The following LRP1B variants were observed in gnomAD, a reference collection of about 807,000 sequenced individuals.
LRP1B encodes LDL receptor related protein 1B, also known as low-density lipoprotein receptor-related protein 1B.
A neutral mutation model predicts 556.6 loss-of-function variants in LRP1B; 217 were observed. That is an observed-to-expected ratio of 0.39 (90% CI 0.35 to 0.44). The LOEUF (loss-of-function observed/expected upper bound fraction) is 0.44, where lower values mean the gene tolerates loss of function less well. Among genes scored for constraint, LRP1B ranks in the 20% least tolerant of loss-of-function variants. LRP1B has a pLI of 1.00. For missense variants in LRP1B, 5,053 were observed against 5,620.8 expected, an observed-to-expected ratio of 0.90 and a Z score of 3.23; for synonymous variants, 2,047 against 1,865.8, an observed-to-expected ratio of 1.10 and a Z score of -2.50.
At chr2:141,423,793 C>CTGT (rs984075997) in intron 3 of LRP1B, among the ~76,000 whole-genome samples, 1 of 149,194 alleles carries the variant, frequency 6.7e-6, no homozygotes, top group African/African-American at 2.5e-5. Context: ...TAATATACTA[C>CTGT]TGTTTTCATT....
rs372054994 is a variant in LRP1B, at chr2:141,584,427, G to A, written c.206-103894C>T. On this transcript the variant is annotated intron_variant, in intron 2 of 90. Coordinates refer to ENST00000389484, the MANE Select transcript of LRP1B (RefSeq NM_018557.3). ...CCAATTGTGGCAAAGGACCAACGAT[G>A]TTAAGAATCGACCATACTAATTTAT... 7.2e-4 allele frequency among the ~76,000 whole-genome samples: 109 copies of A among 152,202 alleles called. 1 individual carries two copies. In the East Asian group the frequency reaches 0.018, roughly 26 times the overall value.
chr2:141,456,837 T>C (rs990838308), intron 3 of LRP1B, among the ~76,000 whole-genome samples: 3 of 152,304 alleles, frequency 2.0e-5, no homozygotes, highest in Non-Finnish European at 4.4e-5. Context: ...CCAGGAAGTC[T>C]TGATTCAGCT....
At chr2:142,010,037 A>G (rs977625987) in intron 1 of LRP1B, among the ~76,000 whole-genome samples, 1 of 152,160 alleles carries the variant, frequency 6.6e-6, no homozygotes, top group Non-Finnish European at 1.5e-5. Flanking sequence ...TATAGGTTGT[A>G]TAGCATTTCC....
chr2:142,075,670 C>A (rs1446331077), intron 1 of LRP1B, among the ~76,000 whole-genome samples: 1 of 152,026 alleles, frequency 6.6e-6, no homozygotes, highest in Non-Finnish European at 1.5e-5. Context: ...TTTGGGAATT[C>A]AGGAAAGTGT....
chr2:142,129,604 CTCTCTCTCTCTCTCTCTCTCTCTCTCT>C (rs1228978763), intron 1 of LRP1B, among the ~76,000 whole-genome samples: 5 of 104,808 alleles, frequency 4.8e-5, no homozygotes, highest in Non-Finnish European at 1.0e-4. Context: ...CTCTCTCTCT[CTCTCTCTCTCTCTCTCTCTCTCTCTCT>C]TATTTAAACT....
chr2:141,777,454 C>A (rs1695114334), intron 2 of LRP1B, among the ~76,000 whole-genome samples: 1 of 152,012 alleles, frequency 6.6e-6, no homozygotes, highest in South Asian at 2.1e-4. Flanking sequence ...CTCACTCTCT[C>A]GCCCAGGCTG....
chr2:141,175,225 A>G (rs1469811014), intron 7 of LRP1B, among the ~76,000 whole-genome samples: 1 of 152,182 alleles, frequency 6.6e-6, no homozygotes, highest in African/African-American at 2.4e-5. Flanking sequence ...GGCATGTGAT[A>G]GAAAAGAAAA....
chr2:140,590,347 A>G (rs1682168984), intron 43 of LRP1B, among the ~76,000 whole-genome samples: 1 of 149,226 alleles, frequency 6.7e-6, no homozygotes. Context: ...GTGTGTGTAT[A>G]TATATATATA....
chr2:141,786,405 T>A (rs1013648532), intron 2 of LRP1B, among the ~76,000 whole-genome samples: 6 of 151,894 alleles, frequency 4.0e-5, no homozygotes, highest in African/African-American at 9.7e-5. Context: ...TTTGTTCCAA[T>A]AGAGAAGGCT....
intron 2 of LRP1B, among the ~76,000 whole-genome samples, chr2:141,737,472 A>G (rs542697151): frequency 1.3e-5 from 2 of 152,202 alleles, no homozygotes; most frequent in Non-Finnish European, 2.9e-5. Context: ...AGAAATCCTC[A>G]TCAGGAGACT....
chr2:140,319,449 G>A (rs929313283), intron 82 of LRP1B, among the ~76,000 whole-genome samples: 7 of 152,136 alleles, frequency 4.6e-5, no homozygotes, highest in African/African-American at 1.4e-4. Flanking sequence ...CTGAAGGTAT[G>A]ACATTTCTAC....
intron 7 of LRP1B, among the ~76,000 whole-genome samples, chr2:141,116,964 T>C (rs1016893790): frequency 2.6e-5 from 4 of 152,136 alleles, no homozygotes; most frequent in African/African-American, 7.2e-5. Flanking sequence ...ACTTTGTTAG[T>C]TCGTGGGTAA....
intron 31 of LRP1B, among the ~76,000 whole-genome samples, chr2:140,835,849 T>G (rs1233546813): frequency 1.3e-5 from 2 of 152,120 alleles, no homozygotes; most frequent in Non-Finnish European, 2.9e-5. Flanking sequence ...ACATGCCTAT[T>G]TTTAGAGTTT....
At chr2:140,320,890 C>G (rs1680080087) in intron 82 of LRP1B, among the ~76,000 whole-genome samples, 1 of 151,970 alleles carries the variant, frequency 6.6e-6, no homozygotes, top group South Asian at 2.1e-4. Flanking sequence ...TAAAAATACA[C>G]ACACACACAC....
chr2:140,873,258 C>T (rs191232292), intron 25 of LRP1B, among the ~76,000 whole-genome samples: 117 of 152,068 alleles, frequency 7.7e-4, no homozygotes, highest in South Asian at 2.9e-3. Context: ...CAGCCCAAGA[C>T]GGAATGATCT....
At chr2:141,255,033 T>C (rs965352250) in intron 3 of LRP1B, among the ~76,000 whole-genome samples, 1 of 152,116 alleles carries the variant, frequency 6.6e-6, no homozygotes, top group Non-Finnish European at 1.5e-5. Flanking sequence ...AATCCATGTG[T>C]AACCTTCATA....
At chr2:141,630,055 CT>C (rs1688853105) in intron 2 of LRP1B, among the ~76,000 whole-genome samples, 1 of 152,126 alleles carries the variant, frequency 6.6e-6, no homozygotes, top group African/African-American at 2.4e-5. Context: ...CCCTCACCCC[CT>C]ATAGCTAACA....
At chr2:141,938,622 C>A (rs1700704711) in intron 1 of LRP1B, among the ~76,000 whole-genome samples, 1 of 152,038 alleles carries the variant, frequency 6.6e-6, no homozygotes, top group Non-Finnish European at 1.5e-5. Flanking sequence ...CAGTACCTTG[C>A]AGACACATCT....
intron 35 of LRP1B, among the ~76,000 whole-genome samples, chr2:140,747,319 T>A (rs146020569): frequency 6.6e-6 from 1 of 152,188 alleles, no homozygotes. Flanking sequence ...CTGGAACAGT[T>A]AGGATTCCTT....
Sources: gnomAD v4.1 joint callset for allele counts (sites outside exome capture counted in the v4.1 genomes callset) on GRCh38, gnomAD v4.1.1 for gene constraint, MANE v1.5 for transcripts, NCBI Gene and HGNC (gene_info 2026-07-23, HGNC 2026-07-21) for gene names.